SREK1: variants seen among roughly 807,000 people sequenced by gnomAD.
SREK1 encodes the protein splicing regulatory glutamine/lysine-rich protein 1.
In SREK1, 13 loss-of-function variants were observed where a neutral mutation model predicts 66.5. The ratio of observed to expected loss-of-function variants is 0.20; its 90% confidence interval spans 0.13 to 0.31. SREK1 has a LOEUF of 0.31. Among genes scored for constraint, SREK1 ranks in the 10% least tolerant of loss-of-function variants. The pLI is 1.00. For synonymous variants in SREK1, 265 were observed against 263.5 expected, an observed-to-expected ratio of 1.01 and a Z score of -0.05; for missense variants, 607 against 769.6, an observed-to-expected ratio of 0.79 and a Z score of 2.50.
chr5:66,164,383 A>G, intron 6 of SREK1: 2 of 341,326 alleles, frequency 5.9e-6, no homozygotes, highest in Non-Finnish European at 1.1e-5. Context: ...GCTAATGAAA[A>G]TAATTAAAAA....
chr5:66,159,155 A>C, intron 2 of SREK1, 64 bp from the exon 3 acceptor site: 1 of 1,546,856 alleles, frequency 6.5e-7, no homozygotes, highest in Non-Finnish European at 8.7e-7. Flanking sequence ...GTAATTGTAA[A>C]ATCATAGTGT....
intron 2 of SREK1, chr5:66,157,336 A>G (rs967462126): frequency 1.1e-5 from 11 of 983,188 alleles, no homozygotes; most frequent in East Asian, 2.3e-4. Flanking sequence ...TCTTTCTACA[A>G]TGTCTTCAAT....
chr5:66,169,735 A>G (rs1745479114), intron 7 of SREK1: 1 of 162,236 alleles, frequency 6.2e-6, no homozygotes, highest in African/African-American at 2.4e-5. Context: ...ACTCCCTGTC[A>G]TGATGTGTTA....
At chr5:66,168,213 G>A (rs1219559101) in intron 7 of SREK1, 2 of 151,924 alleles carry the variant, frequency 1.3e-5, no homozygotes, top group African/African-American at 4.8e-5. Flanking sequence ...ATTAGCTATT[G>A]AAATTTTGAT....
rs1435281804 is a variant in SREK1, at chr5:66,181,281, TGTG to T, written c.*2414_*2416del. 6.6e-6 allele frequency: 1 copy of T among 151,700 alleles called. No individual in the cohort carries two copies. The highest frequency in any genetic ancestry group is 2.4e-5 in the African/African-American group (1 of 41,296). The allele number at this position is 151,700 out of a possible 1,614,324, so 9.4% of individuals were successfully genotyped here. Reference sequence around the variant, plus strand: ...CAAGGCATTCTAGGGTCTAGAGGGATGTGTGTGTGTGCTTGTGTGTCCATGTGT... The same window carrying T: ...CAAGGCATTCTAGGGTCTAGAGGGATTGTGTGTGCTTGTGTGTCCATGTGT... On this transcript the variant is annotated 3_prime_UTR_variant, in exon 12 of 12. Coordinates refer to ENST00000334121, the MANE Select transcript of SREK1 (RefSeq NM_001077199.3).
intron 7 of SREK1, chr5:66,166,680 G>A (rs1199654437): frequency 6.6e-6 from 1 of 151,978 alleles, no homozygotes; most frequent in East Asian, 1.9e-4. Context: ...TACTGCCCAG[G>A]TTGGTCTTGA....
At chr5:66,176,477 T>C (rs1254282670) in intron 10 of SREK1, among the ~76,000 whole-genome samples, 2 of 152,142 alleles carry the variant, frequency 1.3e-5, no homozygotes, top group Non-Finnish European at 2.9e-5. Context: ...CTATTGATGA[T>C]TTGTGTTACA....
Position 66,144,499 on chromosome 5 carries a change from C to A in SREK1, c.123C>A (p.Phe41Leu). 1 of 1,553,466 alleles carries A rather than the reference C, an allele frequency of 6.4e-7. No individual in the cohort carries two copies. Among genetic ancestry groups the A allele is most frequent in the Non-Finnish European group, 8.7e-7 (1 of 1,148,148 alleles). The change falls in exon 1 of 12, where the codon TTC becomes TTA. Residue 41 changes from phenylalanine (F) to leucine (L), a missense_variant. Transcript: ENST00000334121. ...AGCAGATGCGGACGCTTTTTTCCTT[C>A]CTAGGAGAAATCGAGGAGCTGCGGC... is the stretch of plus-strand genomic sequence containing the variant. ...TSEQMRTLFS[F>L]LGEIEELRLY...
At position 66,144,496 on chromosome 5, in the gene SREK1, C is replaced by T. The variant is rs767203754; in HGVS notation, c.120C>T (p.Ser40=). 2 of 1,554,000 alleles carry T rather than the reference C, an allele frequency of 1.3e-6. No homozygotes were observed. The highest frequency in any genetic ancestry group is 1.9e-5 in the Admixed American group (1 of 51,438). Residue 40 remains serine, a synonymous_variant, in exon 1 of 12, where the codon TCC becomes TCT. Transcript: ENST00000334121. The part of the protein sequence containing the change: ...VTSEQMRTLF[S]FLGEIEELRL... ...GCGAGCAGATGCGGACGCTTTTTTC[C>T]TTCCTAGGAGAAATCGAGGAGCTGC... is the stretch of plus-strand genomic sequence containing the variant.
chr5:66,158,649 TTCAG>T (rs1289606378), intron 2 of SREK1: 2 of 421,496 alleles, frequency 4.7e-6, no homozygotes, highest in Non-Finnish European at 7.7e-6. Context: ...AATAGGTAGT[TTCAG>T]TAACAGGATA....
intron 6 of SREK1, 60 bp downstream of exon 6, chr5:66,163,982 G>C: frequency 6.5e-7 from 1 of 1,532,970 alleles, no homozygotes; most frequent in Non-Finnish European, 8.8e-7. Flanking sequence ...CTTAGAACTG[G>C]AAGGAATTTT....
chr5:66,144,342 T>G lies in SREK1; in HGVS notation c.-35T>G. The G allele has an allele frequency of 1.7e-5, 25 of 1,471,744 alleles. No individual in the cohort carries two copies. Among genetic ancestry groups the G allele is most frequent in the East Asian group, 2.6e-5 (1 of 39,196 alleles). The allele number at this position is 1,471,744 out of a possible 1,614,324, so 91.2% of individuals were successfully genotyped here. A position where few individuals can be genotyped will look rare whatever the true frequency, so the allele number is the denominator to read the frequency against. On this transcript the variant is annotated 5_prime_UTR_variant, in exon 1 of 12. Transcript: ENST00000334121. ...CTCCGTCGCTGACGCGTCGTAGACG[T>G]TGGGGAGCGGGAAGGCAACGGCAGC...
At position 66,183,425 on chromosome 5, in the gene SREK1, CCTT is replaced by C. The variant is rs1443436547; in HGVS notation, c.*4558_*4560del. The C allele has an allele frequency of 7.2e-6, 1 of 138,390 alleles. No homozygotes were observed. The highest frequency in any genetic ancestry group is 1.6e-5 in the Non-Finnish European group (1 of 62,098). 8.6% of individuals were successfully genotyped at this position (138,390 alleles called of 1,614,324 possible). On this transcript the variant is annotated 3_prime_UTR_variant, in exon 12 of 12. Coordinates refer to ENST00000334121, the MANE Select transcript of SREK1 (RefSeq NM_001077199.3). ...CAACTTAATGCTTAAAAAATTACCT[CCTT>C]AATGATTAGATTAATAGAACAGTGT...
intron 4 of SREK1, 49 bp downstream of exon 4, chr5:66,162,322 C>T (rs775177498): frequency 1.0e-5 from 16 of 1,605,558 alleles, no homozygotes; most frequent in South Asian, 3.3e-5. Flanking sequence ...TATTCTTTTT[C>T]TCTTCTTAAA....
At chr5:66,144,614 C>T in intron 1 of SREK1, 77 bp downstream of exon 1, 1 of 1,469,670 alleles carries the variant, frequency 6.8e-7, no homozygotes. Context: ...GAGGAGAGCG[C>T]GGACGCGGGC....
chr5:66,176,132 T>C (rs1746034510), intron 10 of SREK1, among the ~76,000 whole-genome samples: 1 of 152,180 alleles, frequency 6.6e-6, no homozygotes. Context: ...GGGTTCAGTT[T>C]TATTTTACAA....
intron 2 of SREK1, among the ~76,000 whole-genome samples, chr5:66,154,950 TAA>T (rs1744154744): frequency 6.6e-6 from 1 of 152,196 alleles, no homozygotes; most frequent in Non-Finnish European, 1.5e-5. Flanking sequence ...AGAAATCAGG[TAA>T]AAGGTTTATT....
At chr5:66,144,684 AC>A in intron 1 of SREK1, 147 bp downstream of exon 1, 1 of 1,360,532 alleles carries the variant, frequency 7.4e-7, no homozygotes, top group Non-Finnish European at 9.7e-7. Context: ...TGATTAGGGC[AC>A]CCGGGTTCCG....
rs1033244586 is a variant in SREK1, at chr5:66,144,722, G to A, written c.161+185G>A. 8.5e-6 allele frequency: 11 copies of A among 1,298,458 alleles called. No individual in the cohort carries two copies. In the South Asian group the frequency reaches 1.3e-4, roughly 15 times the overall value. The allele number at this position is 1,298,458 out of a possible 1,614,324, so 80.4% of individuals were successfully genotyped here. On this transcript the variant is annotated intron_variant, in intron 1 of 11. Transcript: ENST00000334121. The stretch of plus-strand genomic sequence containing the variant: ...CGTCCTGCTCTCCTTAGTCGGATTT[G>A]GGGGGTTAACTACTGCACGGAGCCC...
Sources: gnomAD v4.1 joint callset for allele counts (sites outside exome capture counted in the v4.1 genomes callset) on GRCh38, gnomAD v4.1.1 for gene constraint, MANE v1.5 for transcripts, NCBI Gene and HGNC (gene_info 2026-07-23, HGNC 2026-07-21) for gene names.